ADAR: variants seen among roughly 807,000 people sequenced by gnomAD.
ADAR encodes the protein adenosine deaminase RNA specific.
Under a neutral mutation model 113.2 loss-of-function variants are expected in ADAR, and 41 were observed. The observed-to-expected ratio is 0.36, with a 90% CI of 0.28 to 0.47. ADAR has a LOEUF of 0.47. Among genes scored for constraint, ADAR ranks in the 20% least tolerant of loss-of-function variants. ADAR has a pLI of 1.00. For missense variants in ADAR, 1,242 were observed against 1,540.9 expected (o/e 0.81, Z 3.25); for synonymous variants, 605 against 572.6 (o/e 1.06, Z -0.81).
intron 1 of ADAR, among the ~76,000 whole-genome samples, chr1:154,613,485 A>G (rs1397559536): frequency 6.6e-6 from 1 of 151,236 alleles, no homozygotes; most frequent in Non-Finnish European, 1.5e-5. Context: ...GGGTCTCACC[A>G]TGTTGGCCAG....
intron 1 of ADAR, chr1:154,605,908 A>C (rs1472995732): frequency 1.2e-6 from 1 of 851,572 alleles, no homozygotes; most frequent in Non-Finnish European, 1.4e-6. Context: ...AATGTTTTTT[A>C]AACTGCTACT....
intron 1 of ADAR, among the ~76,000 whole-genome samples, chr1:154,621,252 G>A (rs1698785087): frequency 6.6e-6 from 1 of 151,750 alleles, no homozygotes; most frequent in Admixed American, 6.6e-5. Context: ...AAAACTGAAT[G>A]CTAGCTTTTT....
Position 154,584,779 on chromosome 1 carries a change from C to G in ADAR, c.*27G>C, listed in dbSNP as rs750890302. ...CTCTCTCACACCCTAGTATGACACA[C>G]CCTAATCCATCTGTCACTGGAGCAT... On this transcript the variant is annotated 3_prime_UTR_variant, in exon 15 of 15. Transcript: ENST00000368474. The G allele has an allele frequency of 1.9e-6, 3 of 1,576,816 alleles. No individual in the cohort carries two copies. The highest frequency in any genetic ancestry group is 2.6e-6 in the Non-Finnish European group (3 of 1,147,026).
intron 1 of ADAR, among the ~76,000 whole-genome samples, chr1:154,615,991 A>G (rs1698624133): frequency 6.6e-6 from 1 of 152,190 alleles, no homozygotes; most frequent in African/African-American, 2.4e-5. Flanking sequence ...TTCTCGACAC[A>G]GCTTGTGTGA....
At chr1:154,612,567 T>C (rs1698517716), upstream of ADAR, among the ~76,000 whole-genome samples, 1 of 151,980 alleles carries the variant, frequency 6.6e-6, no homozygotes, top group African/African-American at 2.4e-5. Flanking sequence ...GACCTCGTCA[T>C]CTGCCGGTCT....
chr1:154,605,924 C>A, intron 1 of ADAR: 1 of 911,734 alleles, frequency 1.1e-6, no homozygotes, highest in Non-Finnish European at 1.3e-6. Flanking sequence ...CTACTCTTGG[C>A]CCAAATCTGG....
intron 1 of ADAR, among the ~76,000 whole-genome samples, chr1:154,607,696 A>C (rs144689451): frequency 1.3e-5 from 2 of 151,972 alleles, no homozygotes; most frequent in Non-Finnish European, 2.9e-5. Context: ...ACAAATTCCT[A>C]AACCAGCAAT....
At chr1:154,612,609 G>A (rs1179538780), upstream of ADAR, among the ~76,000 whole-genome samples, 1 of 152,006 alleles carries the variant, frequency 6.6e-6, no homozygotes, top group African/African-American at 2.4e-5. Flanking sequence ...TTACAGGTGT[G>A]AGCCACCACG....
chr1:154,587,968 A>T (rs560816463), intron 11 of ADAR, among the ~76,000 whole-genome samples, 157 bp downstream of exon 11: 6 of 152,194 alleles, frequency 3.9e-5, no homozygotes, highest in Non-Finnish European at 8.8e-5. Context: ...CCCTGATCTT[A>T]CCACACAGCT....
intron 1 of ADAR, among the ~76,000 whole-genome samples, chr1:154,623,834 T>G (rs1383283911): frequency 6.6e-6 from 1 of 151,656 alleles, no homozygotes; most frequent in East Asian, 1.9e-4. Context: ...GAAACCCCAT[T>G]TCTACTAAAA....
At chr1:154,593,208 A>G (rs1405729371) in intron 6 of ADAR, among the ~76,000 whole-genome samples, 1 of 152,042 alleles carries the variant, frequency 6.6e-6, no homozygotes, top group African/African-American at 2.4e-5. Context: ...GTAGACAGAA[A>G]GGAAAAAAAG....
Position 154,583,755 on chromosome 1 carries a change from T to C in ADAR, c.*1051A>G, listed in dbSNP as rs1008949641. ...TAATTTACATGTGACTTAGTCAACT[T>C]CCCTTGGTGTCACTGTCATGAGAGA... On this transcript the variant is annotated 3_prime_UTR_variant, in exon 15 of 15. Transcript: ENST00000368474. 1 of 152,212 alleles carries C rather than the reference T, an allele frequency of 6.6e-6. No homozygotes were observed. The highest frequency in any genetic ancestry group is 1.5e-5 in the Non-Finnish European group (1 of 68,046). The allele number at this position is 152,212 out of a possible 1,614,324, so 9.4% of individuals were successfully genotyped here.
chr1:154,588,455 G>A (rs550687350), intron 10 of ADAR, 96 bp downstream of exon 10: 11 of 1,562,950 alleles, frequency 7.0e-6, no homozygotes, highest in Non-Finnish European at 8.7e-6. Flanking sequence ...GTGGCTTATT[G>A]TATCAGGTTC....
chr1:154,597,400 A>C (rs2101621860), intron 4 of ADAR, 133 bp from the exon 5 acceptor site: 381 of 1,106,290 alleles, frequency 3.4e-4, no homozygotes, highest in Non-Finnish European at 4.5e-4. Flanking sequence ...GTCACATCTC[A>C]TGCAGTCACT....
At chr1:154,602,684 G>A in intron 1 of ADAR, 58 bp from the exon 2 acceptor site, 2 of 1,596,608 alleles carry the variant, frequency 1.3e-6, no homozygotes, top group South Asian at 2.2e-5. Flanking sequence ...GTGAACCTGT[G>A]GAGGCCCCTC....
chr1:154,609,187 C>A (rs1480189613), upstream of ADAR, among the ~76,000 whole-genome samples: 2 of 152,140 alleles, frequency 1.3e-5, no homozygotes, highest in African/African-American at 2.4e-5. Context: ...TTCAGCGCTT[C>A]TCTACACTCA....
intron 1 of ADAR, among the ~76,000 whole-genome samples, chr1:154,613,726 G>C (rs116323753): frequency 0.016 from 2,442 of 152,126 alleles, 24 homozygotes; most frequent in Middle Eastern, 0.034. Context: ...CTAACATAGA[G>C]AAACTCCGTC....
intron 1 of ADAR, among the ~76,000 whole-genome samples, chr1:154,615,669 C>T (rs1326962461): frequency 6.6e-6 from 1 of 152,220 alleles, no homozygotes; most frequent in Non-Finnish European, 1.5e-5. Flanking sequence ...CTGCCTTGGC[C>T]TCCCTGAGTG....
chr1:154,590,946 C>T (rs1006417650), intron 6 of ADAR, among the ~76,000 whole-genome samples: 1 of 151,988 alleles, frequency 6.6e-6, no homozygotes, highest in Non-Finnish European at 1.5e-5. Context: ...ACAGCAAGAT[C>T]CCCATCTCTA....
Sources: gnomAD v4.1 joint callset for allele counts (sites outside exome capture counted in the v4.1 genomes callset) on GRCh38, gnomAD v4.1.1 for gene constraint, MANE v1.5 for transcripts, NCBI Gene and HGNC (gene_info 2026-07-23, HGNC 2026-07-21) for gene names.